The following NFATC3 variants were observed in gnomAD, a reference collection of about 807,000 sequenced individuals.
NFATC3 encodes the protein nuclear factor of activated T-cells, cytoplasmic 3.
In NFATC3, 46 loss-of-function variants were observed where a neutral mutation model predicts 98.6. That is an observed-to-expected ratio of 0.47 (90% CI 0.37 to 0.60). The LOEUF (loss-of-function observed/expected upper bound fraction) is 0.60, where lower values mean the gene tolerates loss of function less well. NFATC3 is among the 20% of genes least tolerant of loss of function. NFATC3 has a pLI of 0.00. For missense variants in NFATC3, 1,256 were observed against 1,295.5 expected (o/e 0.97, Z 0.47); for synonymous variants, 512 against 472.2 (o/e 1.08, Z -1.09).
chr16:68,138,761 A>G (rs772013251), intron 3 of NFATC3: 3 of 1,286,812 alleles, frequency 2.3e-6, no homozygotes, highest in Non-Finnish European at 2.0e-6. Flanking sequence ...ATTCTGTAGT[A>G]TAATATAGAA....
intron 9 of NFATC3, chr16:68,217,912 G>C (rs1262933471): frequency 2.4e-6 from 3 of 1,225,822 alleles, no homozygotes; most frequent in East Asian, 3.2e-5. Context: ...CTCTGTAGCT[G>C]GGTGTCAGTG....
chr16:68,138,560 T>C (rs1713568872), intron 3 of NFATC3: 11 of 1,289,206 alleles, frequency 8.5e-6, no homozygotes, highest in Non-Finnish European at 1.0e-5. Context: ...GCACAGCTTC[T>C]ACTGTCCATG....
chr16:68,220,638 T>C (rs1044444972), intron 9 of NFATC3, among the ~76,000 whole-genome samples: 1 of 145,624 alleles, frequency 6.9e-6, no homozygotes, highest in Non-Finnish European at 1.5e-5. Flanking sequence ...CCGGGCAGGG[T>C]GGCTCACGCC....
At chr16:68,102,008 A>G (rs2035390799) in intron 1 of NFATC3, among the ~76,000 whole-genome samples, 1 of 152,032 alleles carries the variant, frequency 6.6e-6, no homozygotes, top group Non-Finnish European at 1.5e-5. Flanking sequence ...TTTGCAACTC[A>G]TTTTGGTGGA....
At chr16:68,118,035 T>G (rs2036379357) in intron 1 of NFATC3, among the ~76,000 whole-genome samples, 1 of 152,192 alleles carries the variant, frequency 6.6e-6, no homozygotes, top group Non-Finnish European at 1.5e-5. Context: ...AGCTCTACCC[T>G]TTCAGTTGTT....
intron 9 of NFATC3, among the ~76,000 whole-genome samples, chr16:68,195,069 A>G (rs1202802629): frequency 6.6e-6 from 1 of 151,374 alleles, no homozygotes; most frequent in Non-Finnish European, 1.5e-5. Flanking sequence ...TCTGGTCAAC[A>G]TGGTGAAACC....
intron 9 of NFATC3, among the ~76,000 whole-genome samples, chr16:68,203,220 ATTT>A (rs772362835): frequency 7.9e-5 from 12 of 152,156 alleles, no homozygotes; most frequent in Non-Finnish European, 1.6e-4. Context: ...ATTTGAGAAG[ATTT>A]TTTATTTTTT....
intron 3 of NFATC3, among the ~76,000 whole-genome samples, chr16:68,127,316 TA>T (rs2036888566): frequency 6.6e-6 from 1 of 152,168 alleles, no homozygotes; most frequent in Admixed American, 6.6e-5. Flanking sequence ...AACATTTGAT[TA>T]ACATTCCAGA....
chr16:68,093,618 C>G (rs908562956), intron 1 of NFATC3, among the ~76,000 whole-genome samples: 1 of 152,090 alleles, frequency 6.6e-6, no homozygotes, highest in Non-Finnish European at 1.5e-5. Context: ...AATATTTAAT[C>G]CAGTGTTATT....
intron 1 of NFATC3, among the ~76,000 whole-genome samples, chr16:68,104,426 T>G (rs1467981672): frequency 6.6e-6 from 1 of 152,166 alleles, no homozygotes; most frequent in African/African-American, 2.4e-5. Flanking sequence ...TTTGTAGAAC[T>G]TATGGGTTTT....
chr16:68,180,652 T>C (rs904851989), intron 6 of NFATC3, among the ~76,000 whole-genome samples: 1 of 152,068 alleles, frequency 6.6e-6, no homozygotes, highest in Non-Finnish European at 1.5e-5. Flanking sequence ...CCTTCCACTT[T>C]CCCCCACCCC....
chr16:68,133,910 G>A (rs991219550), intron 3 of NFATC3, among the ~76,000 whole-genome samples: 1 of 151,196 alleles, frequency 6.6e-6, no homozygotes, highest in Non-Finnish European at 1.5e-5. Flanking sequence ...GACTTTCGAT[G>A]GACAAAGCAT....
At chr16:68,121,334 T>C (rs1329458739) in intron 1 of NFATC3, among the ~76,000 whole-genome samples, 3 of 148,942 alleles carry the variant, frequency 2.0e-5, no homozygotes, top group Non-Finnish European at 4.4e-5. Context: ...GCAGCCTGTA[T>C]GCTATGAGTA....
chr16:68,114,340 C>T (rs9922695), intron 1 of NFATC3, among the ~76,000 whole-genome samples: 152,146 of 152,146 alleles, frequency 1, 76,073 homozygotes, highest in Non-Finnish European at 1. Context: ...GTTTTTGCTC[C>T]TCTTAGTGGG....
chr16:68,226,424 C>CT lies in NFATC3; in HGVS notation c.3182dup (p.Ser1063GlufsTer3). 7 of 1,568,106 alleles carry CT rather than the reference C, an allele frequency of 4.5e-6. No homozygotes were observed. The highest frequency in any genetic ancestry group is 6.0e-6 in the Non-Finnish European group (7 of 1,161,808). On this transcript the variant is annotated frameshift_variant, in exon 10 of 10. Coordinates refer to ENST00000346183, the MANE Select transcript of NFATC3 (RefSeq NM_173165.3). LOFTEE classifies it high-confidence loss of function. ...AGCAGGGGTGAGCAGGCAGGCTCCC[C>CT]TCCCGAGTCCTGAGTCCCTGGATTT...
intron 1 of NFATC3, among the ~76,000 whole-genome samples, chr16:68,087,973 G>T (rs530567714): frequency 6.6e-6 from 1 of 152,124 alleles, no homozygotes; most frequent in Admixed American, 6.5e-5. Flanking sequence ...AATTAATTTT[G>T]AAATTCTGTT....
At chr16:68,199,311 C>T (rs1435446204) in intron 9 of NFATC3, among the ~76,000 whole-genome samples, 1 of 148,946 alleles carries the variant, frequency 6.7e-6, no homozygotes, top group Non-Finnish European at 1.5e-5. Flanking sequence ...GCAAGCTCCG[C>T]CTCCCGGGTT....
intron 8 of NFATC3, among the ~76,000 whole-genome samples, chr16:68,189,942 G>T (rs1018058618): frequency 1.3e-5 from 2 of 152,100 alleles, no homozygotes; most frequent in South Asian, 2.1e-4. Flanking sequence ...CTGTATTCCA[G>T]CTACTCAGGA....
At chr16:68,094,081 A>G (rs1229751665) in intron 1 of NFATC3, among the ~76,000 whole-genome samples, 1 of 152,180 alleles carries the variant, frequency 6.6e-6, no homozygotes, top group Non-Finnish European at 1.5e-5. Context: ...GTATCGCTAT[A>G]TCGCTAACTG....
Sources: gnomAD v4.1 joint callset for allele counts (sites outside exome capture counted in the v4.1 genomes callset) on GRCh38, gnomAD v4.1.1 for gene constraint, MANE v1.5 for transcripts, NCBI Gene and HGNC (gene_info 2026-07-23, HGNC 2026-07-21) for gene names.